LIN28B: variants seen among roughly 807,000 people sequenced by gnomAD.
LIN28B encodes protein lin-28 homolog B.
LIN28B carries 5 observed loss-of-function variants against 21.9 expected under a neutral mutation model. That is an observed-to-expected ratio of 0.23 (90% confidence interval 0.12 to 0.48). The LOEUF (loss-of-function observed/expected upper bound fraction) is 0.48. Ranked by LOEUF, LIN28B falls within the 20% of genes least tolerant of loss-of-function variation. The pLI is 0.98. For synonymous variants in LIN28B, 109 were observed against 111.3 expected (o/e 0.98, Z 0.13); for missense variants, 245 against 310.5 (o/e 0.79, Z 1.58).
intron 3 of LIN28B, among the ~76,000 whole-genome samples, chr6:105,050,065 G>A (rs186040362): frequency 1.3e-5 from 2 of 152,076 alleles, no homozygotes; most frequent in South Asian, 2.1e-4. Context: ...TGGTTATTTT[G>A]CTCGTTAGTT....
At chr6:104,964,291 T>C (rs1198513463) in intron 2 of LIN28B, among the ~76,000 whole-genome samples, 1 of 152,158 alleles carries the variant, frequency 6.6e-6, no homozygotes, top group East Asian at 1.9e-4. Flanking sequence ...GCCTCCCTAA[T>C]AGCTGTGACT....
At chr6:104,957,010 T>A (rs894216459), upstream of LIN28B, 14 of 1,280,670 alleles carry the variant, frequency 1.1e-5, no homozygotes, top group Non-Finnish European at 1.4e-5. Flanking sequence ...GCCAGCCCCT[T>A]AAGGATACGA....
intron 3 of LIN28B, chr6:105,058,065 C>G: frequency 2.6e-6 from 1 of 390,246 alleles, no homozygotes; most frequent in East Asian, 9.4e-5. Context: ...GAACTTTTGT[C>G]TACAGGAATT....
At chr6:105,069,570 T>TA (rs34804692) in intron 3 of LIN28B, among the ~76,000 whole-genome samples, 8 of 150,818 alleles carry the variant, frequency 5.3e-5, no homozygotes, top group African/African-American at 1.5e-4. Context: ...ACAAAAAATT[T>TA]AAAAAAAAAA....
chr6:104,964,222 C>CT (rs1769811405), intron 2 of LIN28B, among the ~76,000 whole-genome samples: 1 of 152,120 alleles, frequency 6.6e-6, no homozygotes, highest in Non-Finnish European at 1.5e-5. Flanking sequence ...TTTTTTGAGA[C>CT]TAAGTTACCC....
chr6:105,063,650 A>AGGGG (rs1562111694), intron 3 of LIN28B, among the ~76,000 whole-genome samples: 6 of 145,942 alleles, frequency 4.1e-5, no homozygotes, highest in African/African-American at 1.3e-4. Context: ...GGGGGGGGGA[A>AGGGG]AAAAAGGTAA....
intron 2 of LIN28B, among the ~76,000 whole-genome samples, chr6:104,963,756 A>G (rs1292569142): frequency 2.6e-5 from 4 of 152,204 alleles, no homozygotes; most frequent in South Asian, 2.1e-4. Context: ...CACAGAGTCC[A>G]TAGTTTATAT....
At chr6:104,993,724 A>C (rs1770541041) in intron 2 of LIN28B, among the ~76,000 whole-genome samples, 1 of 151,792 alleles carries the variant, frequency 6.6e-6, no homozygotes, top group East Asian at 2.0e-4. Flanking sequence ...AGTCCCAGCT[A>C]CTTGGGAGGC....
intron 2 of LIN28B, among the ~76,000 whole-genome samples, chr6:104,961,585 A>G (rs1769740150): frequency 6.6e-6 from 1 of 152,036 alleles, no homozygotes; most frequent in Non-Finnish European, 1.5e-5. Flanking sequence ...TATTTTTAGT[A>G]GAGATGGGGT....
intron 2 of LIN28B, among the ~76,000 whole-genome samples, chr6:105,017,352 C>G (rs1771051193): frequency 6.6e-6 from 1 of 152,106 alleles, no homozygotes; most frequent in Non-Finnish European, 1.5e-5. Flanking sequence ...AATAGATTCT[C>G]CATACATGTT....
intron 3 of LIN28B, among the ~76,000 whole-genome samples, chr6:105,052,546 G>C (rs1232677761): frequency 6.6e-6 from 1 of 152,056 alleles, no homozygotes; most frequent in Non-Finnish European, 1.5e-5. Flanking sequence ...TAAGGACAGT[G>C]CCCCCATGAC....
At chr6:105,021,404 G>A (rs893745466) in intron 2 of LIN28B, among the ~76,000 whole-genome samples, 2 of 152,038 alleles carry the variant, frequency 1.3e-5, no homozygotes, top group Admixed American at 1.3e-4. Flanking sequence ...TTGCTAAATC[G>A]AATAGTAATT....
rs565224200 is a variant in LIN28B at position 104,991,460 on chromosome 6, C to T, written c.198+33174C>T. 4.0e-5 allele frequency among the ~76,000 whole-genome samples: 6 copies of T among 151,358 alleles called. No homozygotes were observed. In the South Asian group the frequency reaches 1.3e-3, roughly 32 times the overall value. On this transcript the variant is annotated intron_variant, in intron 2 of 3. Coordinates refer to ENST00000345080, the MANE Select transcript of LIN28B (RefSeq NM_001004317.4). The stretch of plus-strand genomic sequence containing the variant: ...TCCCCACATCTCAGACGATGGGCGG[C>T]TGGGCAGAGACGCTCCTCACTTCCT...
intron 2 of LIN28B, among the ~76,000 whole-genome samples, chr6:104,997,215 A>G (rs1264764740): frequency 6.7e-6 from 1 of 150,234 alleles, no homozygotes; most frequent in African/African-American, 2.5e-5. Context: ...CGGGAGGCAG[A>G]GGTTGCAGTG....
rs557944929 is a variant in LIN28B at position 105,062,622 on chromosome 6, T to C, written c.384-15792T>C. Among the ~76,000 whole-genome samples the C allele has an allele frequency of 5.4e-4, 83 of 152,306 alleles. 1 individual carries two copies. The highest frequency in any genetic ancestry group is 1.8e-3 in the African/African-American group (76 of 41,572). On this transcript the variant is annotated intron_variant, in intron 3 of 3. Transcript: ENST00000345080. The stretch of plus-strand genomic sequence containing the variant: ...TAATTTTCATAATGGGTGATTTCCG[T>C]TGAATGCAAGTAATTCTGCATGAAT...
chr6:104,986,786 A>G (rs314287), intron 2 of LIN28B, among the ~76,000 whole-genome samples: 64,145 of 152,034 alleles, frequency 0.42, 15,431 homozygotes, highest in South Asian at 0.56. Flanking sequence ...GCTTGTTGCA[A>G]TCCAAAACCA....
intron 2 of LIN28B, among the ~76,000 whole-genome samples, chr6:104,948,379 A>T (rs561792900): frequency 6.6e-6 from 1 of 152,202 alleles, no homozygotes; most frequent in African/African-American, 2.4e-5. Context: ...AGGCAGGAGA[A>T]TCGCTTAAAC....
chr6:105,073,276 A>G (rs192759810), intron 3 of LIN28B, among the ~76,000 whole-genome samples: 14 of 152,288 alleles, frequency 9.2e-5, no homozygotes, highest in African/African-American at 3.4e-4. Flanking sequence ...GGACTGTACC[A>G]AGGTTTAAAA....
At position 104,963,220 on chromosome 6, in the gene LIN28B, G is replaced by A. The variant is rs1025303321; in HGVS notation, c.198+4934G>A. Among the ~76,000 whole-genome samples, 112 of 151,994 alleles carry A rather than the reference G, an allele frequency of 7.4e-4. 1 individual carries two copies. Among genetic ancestry groups the A allele is most frequent in the Non-Finnish European group, 7.4e-5 (5 of 67,994 alleles). On this transcript the variant is annotated intron_variant, in intron 2 of 3. Coordinates refer to ENST00000345080, the MANE Select transcript of LIN28B (RefSeq NM_001004317.4). ...CGCCACCACGCCCGGCTAATTTTTTGTATTTTTAGTAGAGACGGGGTTTCA... is the reference window on the plus strand; with the variant it reads ...CGCCACCACGCCCGGCTAATTTTTTATATTTTTAGTAGAGACGGGGTTTCA...
Sources: allele counts gnomAD v4.1 joint callset (sites outside exome capture counted in the v4.1 genomes callset), GRCh38; gene constraint gnomAD v4.1.1; transcripts MANE v1.5; gene names NCBI Gene and HGNC (gene_info 2026-07-23, HGNC 2026-07-21).